Variants in DPYD observed in about 807,000 individuals in gnomAD.
DPYD encodes dihydropyrimidine dehydrogenase, also known as dihydropyrimidine dehydrogenase [NADP(+)].
DPYD carries 109 observed loss-of-function variants against 116.2 expected under a neutral mutation model. That is an observed-to-expected ratio of 0.94 (90% confidence interval 0.80 to 1.10). DPYD has a LOEUF of 1.10. Among genes scored for constraint, DPYD ranks in the 50% least tolerant of loss-of-function variants. The probability of loss-of-function intolerance (pLI) is 0.00; values close to 1 mark genes in which losing one functional copy is unlikely to be tolerated. For missense variants in DPYD, 1,302 were observed against 1,254.5 expected (o/e 1.04, Z -0.57); for synonymous variants, 440 against 432.0 (o/e 1.02, Z -0.23).
intron 21 of DPYD, among the ~76,000 whole-genome samples, chr1:97,087,634 G>A (rs966667161): frequency 9.2e-5 from 14 of 152,126 alleles, no homozygotes; most frequent in Admixed American, 1.3e-4. Flanking sequence ...ACCTGTCTGT[G>A]GCCCTGATCA....
intron 19 of DPYD, among the ~76,000 whole-genome samples, chr1:97,212,313 T>C (rs1209716608): frequency 6.6e-6 from 1 of 152,172 alleles, no homozygotes; most frequent in Non-Finnish European, 1.5e-5. Context: ...AATTTTATAA[T>C]AACAAATATT....
In DPYD at chr1:97,238,751, C is replaced by T. The variant is rs1339576444; in HGVS notation, c.2300-3757G>A. 2.0e-5 allele frequency among the ~76,000 whole-genome samples: 3 copies of T among 152,082 alleles called. 1 individual carries two copies. The highest frequency in any genetic ancestry group is 6.6e-5 in the Admixed American group (1 of 15,258). ...GTGAGAAGTTCAAAGAATGTGTATGCGGGCTCTATCTTTAAGGAAACAACA... is the reference window on the plus strand; with the variant it reads ...GTGAGAAGTTCAAAGAATGTGTATGTGGGCTCTATCTTTAAGGAAACAACA... On this transcript the variant is annotated intron_variant, in intron 18 of 22. Coordinates refer to ENST00000370192, the MANE Select transcript of DPYD (RefSeq NM_000110.4).
chr1:97,335,968 C>A (rs1254594624), intron 16 of DPYD, among the ~76,000 whole-genome samples: 2 of 152,090 alleles, frequency 1.3e-5, no homozygotes, highest in East Asian at 3.9e-4. Flanking sequence ...CCTTGTCCTT[C>A]GTGTCTTTCT....
intron 6 of DPYD, among the ~76,000 whole-genome samples, chr1:97,693,029 G>A (rs1022269900): frequency 5.9e-5 from 9 of 151,774 alleles, no homozygotes; most frequent in Admixed American, 5.9e-4. Flanking sequence ...GGTGGCTCAC[G>A]CCTGTAATTC....
intron 19 of DPYD, among the ~76,000 whole-genome samples, chr1:97,219,481 A>G (rs1205468409): frequency 6.6e-6 from 1 of 152,214 alleles, no homozygotes; most frequent in Non-Finnish European, 1.5e-5. Context: ...TACCATTAAC[A>G]GAACATGTGC....
rs139156067 is a variant in DPYD at position 97,828,274 on chromosome 1, AATTG to A, written c.151-82_151-79del. The stretch of plus-strand genomic sequence containing the variant: ...TATCTATGCAGTTATGCAAAAATGT[AATTG>A]ATTATATTGATCATGGACTCATGAA... On this transcript the variant is annotated intron_variant, in intron 2 of 22. Transcript: ENST00000370192. 3.0e-4 allele frequency: 389 copies of A among 1,317,700 alleles called. 1 individual carries two copies. In the African/African-American group the frequency reaches 4.8e-3, roughly 16 times the overall value. 81.6% of individuals were successfully genotyped at this position (1,317,700 alleles called of 1,614,324 possible). A position where few individuals can be genotyped will look rare whatever the true frequency, so the allele number is the denominator to read the frequency against.
At chr1:97,837,895 T>C (rs1669845143) in intron 2 of DPYD, among the ~76,000 whole-genome samples, 1 of 152,152 alleles carries the variant, frequency 6.6e-6, no homozygotes, top group African/African-American at 2.4e-5. Flanking sequence ...CTATTTTTTA[T>C]TCCAACAGCA....
At chr1:97,136,494 T>G (rs955652882) in intron 20 of DPYD, among the ~76,000 whole-genome samples, 2 of 152,144 alleles carry the variant, frequency 1.3e-5, no homozygotes, top group Non-Finnish European at 2.9e-5. Context: ...GTGTTTTTCC[T>G]TTTGGACACG....
intron 2 of DPYD, among the ~76,000 whole-genome samples, chr1:97,871,340 A>G (rs906072892): frequency 1.1e-4 from 16 of 151,986 alleles, no homozygotes; most frequent in Admixed American, 2.6e-4. Context: ...TACGTAGTCT[A>G]TAAGAACAAC....
chr1:97,312,885 T>G (rs1376751051), intron 16 of DPYD, among the ~76,000 whole-genome samples: 1 of 151,848 alleles, frequency 6.6e-6, no homozygotes. Flanking sequence ...ATAGATAAAT[T>G]TCATCTATTA....
At chr1:97,329,176 G>A (rs1668854814) in intron 16 of DPYD, among the ~76,000 whole-genome samples, 1 of 152,068 alleles carries the variant, frequency 6.6e-6, no homozygotes, top group Non-Finnish European at 1.5e-5. Context: ...GAATAGAAAT[G>A]AGCATTACAA....
At chr1:97,359,853 T>C (rs1670625950) in intron 16 of DPYD, among the ~76,000 whole-genome samples, 1 of 151,968 alleles carries the variant, frequency 6.6e-6, no homozygotes, top group Admixed American at 6.6e-5. Flanking sequence ...ACTGCAAAAA[T>C]ATGCCAAATT....
At chr1:97,417,793 G>C (rs1294756581) in intron 14 of DPYD, among the ~76,000 whole-genome samples, 1 of 152,064 alleles carries the variant, frequency 6.6e-6, no homozygotes, top group Non-Finnish European at 1.5e-5. Flanking sequence ...GAATTATCTT[G>C]TTATCAGTTT....
intron 16 of DPYD, among the ~76,000 whole-genome samples, chr1:97,337,793 C>A (rs1669378846): frequency 6.6e-6 from 1 of 151,912 alleles, no homozygotes; most frequent in African/African-American, 2.4e-5. Flanking sequence ...GATTGCTTAA[C>A]AGTTGAGTAC....
intron 8 of DPYD, among the ~76,000 whole-genome samples, chr1:97,674,763 T>G (rs1037935751): frequency 3.3e-5 from 5 of 152,200 alleles, no homozygotes; most frequent in Non-Finnish European, 5.9e-5. Flanking sequence ...TCTTATGATA[T>G]TTCTGACTCA....
At chr1:97,747,397 T>C (rs947665260) in intron 3 of DPYD, among the ~76,000 whole-genome samples, 18 of 152,176 alleles carry the variant, frequency 1.2e-4, no homozygotes, top group African/African-American at 4.1e-4. Flanking sequence ...CTTTATGTCC[T>C]GGAGGGACGG....
intron 13 of DPYD, among the ~76,000 whole-genome samples, chr1:97,470,578 G>C (rs1480136611): frequency 6.6e-6 from 1 of 152,146 alleles, no homozygotes; most frequent in Non-Finnish European, 1.5e-5. Flanking sequence ...GTTGTATATA[G>C]CTGTAAGCAG....
At chr1:97,866,247 C>T (rs554125807) in intron 2 of DPYD, among the ~76,000 whole-genome samples, 29 of 152,050 alleles carry the variant, frequency 1.9e-4, no homozygotes, top group Middle Eastern at 3.4e-3. Flanking sequence ...TGCCACAGGA[C>T]GGCTCGTGCA....
chr1:97,879,421 TAATATTTTCTGGTCTTCAA>T (rs1053794518), intron 2 of DPYD, among the ~76,000 whole-genome samples: 3 of 151,964 alleles, frequency 2.0e-5, no homozygotes, highest in Admixed American at 2.0e-4. Context: ...TTCTGATTTG[TAATATTTTCTGGTCTTCAA>T]AAATTGCTCA....
Sources: gnomAD v4.1 joint callset for allele counts (sites outside exome capture counted in the v4.1 genomes callset) on GRCh38, gnomAD v4.1.1 for gene constraint, MANE v1.5 for transcripts, NCBI Gene and HGNC (gene_info 2026-07-23, HGNC 2026-07-21) for gene names.